The following STXBP4 variants were observed in gnomAD, a reference collection of about 807,000 sequenced individuals.
The protein encoded by STXBP4 is syntaxin binding protein 4, also known as syntaxin-binding protein 4.
STXBP4 carries 55 observed loss-of-function variants against 76.1 expected under a neutral mutation model. That is an observed-to-expected ratio of 0.72 (90% CI 0.58 to 0.91). The LOEUF (loss-of-function observed/expected upper bound fraction) is 0.91. Ranked by LOEUF, STXBP4 falls within the 40% of genes least tolerant of loss-of-function variation. The probability of loss-of-function intolerance (pLI) is 0.00; values close to 1 mark genes in which losing one functional copy is unlikely to be tolerated. For missense variants in STXBP4, 618 were observed against 636.9 expected (o/e 0.97, Z 0.32); for synonymous variants, 201 against 220.2 (o/e 0.91, Z 0.77).
intron 7 of STXBP4, 82 bp from the exon 8 acceptor site, chr17:55,007,424 A>G: frequency 1.1e-6 from 1 of 924,354 alleles, no homozygotes; most frequent in Non-Finnish European, 1.7e-6. Context: ...TTTGAACAGC[A>G]GGAACTCAGA....
At chr17:55,036,080 G>A (rs777891109) in intron 10 of STXBP4, among the ~76,000 whole-genome samples, 9 of 151,748 alleles carry the variant, frequency 5.9e-5, no homozygotes, top group East Asian at 1.9e-4. Flanking sequence ...AACTGTAGTC[G>A]CCATGTTGTA....
At chr17:55,211,592 T>C in the STXBP4 span, among the ~76,000 whole-genome samples, 1 of 152,176 alleles carries the variant, frequency 6.6e-6, no homozygotes, top group Non-Finnish European at 1.5e-5. Context: ...ACCTAAAAGT[T>C]AAGGTAGTTG....
chr17:54,979,728 T>A (rs1372120979), intron 1 of STXBP4, among the ~76,000 whole-genome samples: 1 of 152,180 alleles, frequency 6.6e-6, no homozygotes, highest in Non-Finnish European at 1.5e-5. Context: ...TTAACATTAT[T>A]ATGAAGAGAC....
chr17:55,062,066 C>G (rs915094328), intron 12 of STXBP4, among the ~76,000 whole-genome samples: 1 of 151,860 alleles, frequency 6.6e-6, no homozygotes, highest in African/African-American at 2.4e-5. Context: ...ATGACTCCAT[C>G]TCTACAATTA....
intron 17 of STXBP4, among the ~76,000 whole-genome samples, chr17:55,150,690 T>C (rs532502514): frequency 6.6e-6 from 1 of 152,270 alleles, no homozygotes; most frequent in South Asian, 2.1e-4. Flanking sequence ...CAAGAGTTGA[T>C]CCCAATCGGT....
chr17:55,075,951 A>G (rs1177669152), intron 13 of STXBP4, among the ~76,000 whole-genome samples: 1 of 152,084 alleles, frequency 6.6e-6, no homozygotes, highest in African/African-American at 2.4e-5. Context: ...AGTTGAGCAT[A>G]TATTTATCTC....
At chr17:55,077,932 A>T in intron 13 of STXBP4, 146 bp from the exon 14 acceptor site, 1 of 490,830 alleles carries the variant, frequency 2.0e-6, no homozygotes. Context: ...AGTTAGTTAC[A>T]TGCCCCCCAA....
intron 17 of STXBP4, among the ~76,000 whole-genome samples, chr17:55,146,114 T>A (rs2080150350): frequency 1.3e-5 from 2 of 152,222 alleles, no homozygotes; most frequent in South Asian, 4.1e-4. Flanking sequence ...AAAATTATTA[T>A]GAGAGTTATC....
At chr17:55,014,787 T>C (rs1012655371) in intron 8 of STXBP4, among the ~76,000 whole-genome samples, 7 of 152,156 alleles carry the variant, frequency 4.6e-5, no homozygotes, top group African/African-American at 1.7e-4. Flanking sequence ...ACTTGGACAA[T>C]CTTTTTTAAA....
chr17:55,168,168 G>T lies in STXBP4; in HGVS notation c.*8257G>T, dbSNP rs1318904235. On this transcript the variant is annotated 3_prime_UTR_variant, in exon 18 of 18. Transcript: ENST00000376352. The stretch of plus-strand genomic sequence containing the variant: ...AAGGGAAATTTGAAGGAAATAGAAT[G>T]CATACATACACACACATACACTTAG... 6.6e-6 allele frequency: 1 copy of T among 151,666 alleles called. No homozygotes were observed. The highest frequency in any genetic ancestry group is 1.5e-5 in the Non-Finnish European group (1 of 67,882). The allele number at this position is 151,666 out of a possible 1,614,324, so 9.4% of individuals were successfully genotyped here.
chr17:55,137,085 A>G (rs548097552), intron 16 of STXBP4, among the ~76,000 whole-genome samples: 2 of 152,278 alleles, frequency 1.3e-5, no homozygotes, highest in East Asian at 3.9e-4. Context: ...ATTTATATAG[A>G]AAGTTCAGAT....
At chr17:55,207,698 T>C in the STXBP4 span, among the ~76,000 whole-genome samples, 1 of 152,250 alleles carries the variant, frequency 6.6e-6, no homozygotes, top group African/African-American at 2.4e-5. Context: ...CCAATTGTTT[T>C]CAAATTTAAT....
chr17:55,054,624 CT>C (rs2078902515), intron 12 of STXBP4, among the ~76,000 whole-genome samples: 1 of 152,138 alleles, frequency 6.6e-6, no homozygotes, highest in African/African-American at 2.4e-5. Flanking sequence ...ACTACTTCAC[CT>C]TTATGGGTCT....
At chr17:55,099,985 G>A (rs2079544483) in intron 16 of STXBP4, among the ~76,000 whole-genome samples, 1 of 152,136 alleles carries the variant, frequency 6.6e-6, no homozygotes, top group East Asian at 1.9e-4. Context: ...ATGACTATGA[G>A]TGAGGATGAT....
chr17:55,094,996 G>A (rs910116524), intron 16 of STXBP4, among the ~76,000 whole-genome samples: 2 of 152,110 alleles, frequency 1.3e-5, no homozygotes, highest in Non-Finnish European at 2.9e-5. Flanking sequence ...ATCACATACC[G>A]ATAGCATTAA....
intron 17 of STXBP4, among the ~76,000 whole-genome samples, chr17:55,146,205 A>T (rs2080151436): frequency 6.6e-6 from 1 of 152,202 alleles, no homozygotes; most frequent in Admixed American, 6.5e-5. Context: ...CTTTCTGTTG[A>T]TTCAGATTTA....
intron 17 of STXBP4, 57 bp downstream of exon 17, chr17:55,141,424 G>T: frequency 2.8e-6 from 4 of 1,452,108 alleles, no homozygotes; most frequent in South Asian, 1.3e-5. Context: ...GAGAGAACCT[G>T]GAAGTTGCAG....
the STXBP4 span, among the ~76,000 whole-genome samples, chr17:55,182,382 G>C: frequency 6.6e-6 from 1 of 152,134 alleles, no homozygotes; most frequent in East Asian, 1.9e-4. Flanking sequence ...GGAAATGGAA[G>C]AAAACATCCA....
At chr17:54,968,866 A>T (rs1384363237) in intron 1 of STXBP4, 51 bp downstream of exon 1, 5 of 543,540 alleles carry the variant, frequency 9.2e-6, no homozygotes, top group Non-Finnish European at 1.6e-5. Context: ...GCTTCTCGCC[A>T]GAACGTCTCT....
Sources: allele counts gnomAD v4.1 joint callset (sites outside exome capture counted in the v4.1 genomes callset), GRCh38; gene constraint gnomAD v4.1.1; transcripts MANE v1.5; gene names NCBI Gene and HGNC (gene_info 2026-07-23, HGNC 2026-07-21).